The following RASA4 variants were observed in gnomAD, a reference collection of about 807,000 sequenced individuals.
RASA4 encodes the protein RAS p21 protein activator 4.
RASA4 carries 5 observed loss-of-function variants against 24.0 expected under a neutral mutation model. The ratio of observed to expected loss-of-function variants is 0.21; its 90% confidence interval spans 0.11 to 0.44. RASA4 has a LOEUF of 0.44. RASA4 is among the 20% of genes least tolerant of loss of function. The pLI is 0.99. For synonymous variants in RASA4, 9 were observed against 132.7 expected (o/e 0.07, Z 6.41); for missense variants, 38 against 293.0 (o/e 0.13, Z 6.35).
chr7:102,597,767 T>G (rs1790286890), intron 8 of RASA4, among the ~76,000 whole-genome samples: 1 of 128,302 alleles, frequency 7.8e-6, no homozygotes. Context: ...GAGGCTGGAG[T>G]GCAGTGGTGG....
chr7:102,594,446 C>T lies in RASA4; in HGVS notation c.1184+1G>A. 1 of 22,800 alleles carries T rather than the reference C, an allele frequency of 4.4e-5. No individual in the cohort carries two copies. The highest frequency in any genetic ancestry group is 4.7e-4 in the African/African-American group (1 of 2,122). 1.4% of individuals were successfully genotyped at this position (22,800 alleles called of 1,614,324 possible). ...ACCCCCGGAGTTACCCCCGGCCTCA[C>T]CCTACATCCTTAACTTCCACTTTGC... On this transcript the variant is annotated splice_donor_variant, in intron 12 of 20. Coordinates refer to ENST00000262940, the MANE Select transcript of RASA4 (RefSeq NM_006989.6). LOFTEE classifies it high-confidence loss of function.
rs982360136 is a variant in RASA4, at chr7:102,599,672, G to C, written c.737+188C>G. Among the ~76,000 whole-genome samples, 13 of 145,726 alleles carry C rather than the reference G, an allele frequency of 8.9e-5. No homozygotes were observed. The East Asian group carries it at 2.3e-3, about 26-fold the overall frequency. On this transcript the variant is annotated intron_variant, in intron 8 of 20. Coordinates refer to ENST00000262940, the MANE Select transcript of RASA4 (RefSeq NM_006989.6). ...ATAAATAAATAAATAATAAATAAAG[G>C]GGAGGTGGAGCCCAGCCAGGATGAG...
chr7:102,585,849 GTTTTTTTGT>G (rs1789755387), intron 18 of RASA4, among the ~76,000 whole-genome samples: 1 of 133,440 alleles, frequency 7.5e-6, no homozygotes, highest in Non-Finnish European at 1.7e-5. Context: ...TTTTTTTTTT[GTTTTTTTGT>G]TTTTTTTTTT....
rs1194397860 is a variant in RASA4 at position 102,595,347 on chromosome 7, C to T, written c.1029G>A (p.Arg343=). 2 of 1,457,700 alleles carry T rather than the reference C, an allele frequency of 1.4e-6. No individual in the cohort carries two copies. The highest frequency in any genetic ancestry group is 9.3e-7 in the Non-Finnish European group (1 of 1,074,278). The allele number at this position is 1,457,700 out of a possible 1,614,324, so 90.3% of individuals were successfully genotyped here. A position where few individuals can be genotyped will look rare whatever the true frequency, so the allele number is the denominator to read the frequency against. ...TGGACTTTGAGGCCAGAGAGTTGCT[C>T]CGGAACAGGGTGTTGGTCTCACCTA... ...SRTSETNTLF[R]SNSLASKSME... is the part of the protein sequence containing the mutation. Residue 343 remains arginine (R), a synonymous_variant, in exon 11 of 21, where the codon CGG becomes CGA. Transcript: ENST00000262940.
intron 11 of RASA4, among the ~76,000 whole-genome samples, chr7:102,594,890 G>GGGGT (rs1790121232): frequency 1.7e-5 from 1 of 57,322 alleles, no homozygotes; most frequent in African/African-American, 3.8e-5. Context: ...TTGGGGGGGG[G>GGGGT]GGGTGCGGGG....
chr7:102,604,628 G>C (rs1171335634), intron 5 of RASA4, among the ~76,000 whole-genome samples: 7 of 148,200 alleles, frequency 4.7e-5, no homozygotes, highest in East Asian at 2.1e-4. Context: ...GGTGGGGCGG[G>C]GGGGAATGAA....
chr7:102,612,167 C>CCAGCA (rs1554347707), intron 1 of RASA4: 1 of 156,502 alleles, frequency 6.4e-6, no homozygotes, highest in Admixed American at 6.6e-5. Flanking sequence ...CTCCCTCGCC[C>CCAGCA]CAGGACGGGA....
intron 5 of RASA4, among the ~76,000 whole-genome samples, chr7:102,602,935 C>T (rs1426675718): frequency 6.6e-6 from 1 of 150,378 alleles, no homozygotes; most frequent in South Asian, 2.1e-4. Context: ...GGTCTTTACA[C>T]AGCCCTAGTC....
At chr7:102,590,666 C>T (rs1346741285) in intron 16 of RASA4, among the ~76,000 whole-genome samples, 293 of 139,762 alleles carry the variant, frequency 2.1e-3, no homozygotes, top group East Asian at 6.9e-3. Flanking sequence ...CCTGACCGGG[C>T]GCAGTGGCTC....
In RASA4 at chr7:102,597,736, C is replaced by T. The variant is rs1333746348; in HGVS notation, c.738-1607G>A. Among the ~76,000 whole-genome samples the T allele has an allele frequency of 1.2e-4, 17 of 137,370 alleles. No individual in the cohort carries two copies. In the South Asian group the frequency reaches 3.1e-3, roughly 25 times the overall value. 90.1% of individuals were successfully genotyped at this position (137,370 alleles called of 152,430 possible). A position where few individuals can be genotyped will look rare whatever the true frequency, so the allele number is the denominator to read the frequency against. On this transcript the variant is annotated intron_variant, in intron 8 of 20. Transcript: ENST00000262940. ...ACCGCACCCGGCTGTTTTCTTGAGACGGAGTTTCGCTCTTGTCACCGAGGC... is the reference window on the plus strand; with the variant it reads ...ACCGCACCCGGCTGTTTTCTTGAGATGGAGTTTCGCTCTTGTCACCGAGGC...
chr7:102,600,037 C>G (rs1227369916), intron 7 of RASA4, 83 bp from the exon 8 acceptor site: 1 of 17,536 alleles, frequency 5.7e-5, no homozygotes, highest in African/African-American at 2.9e-4. Context: ...GGGGAGGGGC[C>G]CCTTCCAAGG....
chr7:102,591,013 A>G (rs1458690358), intron 16 of RASA4, among the ~76,000 whole-genome samples: 2 of 141,632 alleles, frequency 1.4e-5, no homozygotes, highest in African/African-American at 2.8e-5. Flanking sequence ...CTGGCAAGGA[A>G]GATGTATAAT....
intron 1 of RASA4, among the ~76,000 whole-genome samples, chr7:102,611,832 A>AG (rs1188769625): frequency 1.3e-4 from 2 of 15,094 alleles, no homozygotes; most frequent in Admixed American, 7.2e-4. Flanking sequence ...AGGGAGGGGG[A>AG]AACTGAGGGA....
chr7:102,602,824 G>A (rs1414576073), intron 5 of RASA4, among the ~76,000 whole-genome samples: 569 of 117,050 alleles, frequency 4.9e-3, no homozygotes, highest in Non-Finnish European at 7.3e-3. Context: ...GGTTTAGGGA[G>A]AGAGTGTGCT....
chr7:102,597,994 C>T (rs1251279681), intron 8 of RASA4, among the ~76,000 whole-genome samples: 14 of 91,904 alleles, frequency 1.5e-4, no homozygotes, highest in East Asian at 9.5e-4. Context: ...CCACGCCCAG[C>T]GGTTATTTTT....
chr7:102,606,415 A>AAT (rs1562801487), intron 4 of RASA4, among the ~76,000 whole-genome samples: 4 of 80,054 alleles, frequency 5.0e-5, no homozygotes, highest in East Asian at 7.2e-4. Flanking sequence ...AAAAAAAAAA[A>AAT]AAAAAAAAGA....
chr7:102,603,082 T>C (rs1267997054), intron 5 of RASA4, among the ~76,000 whole-genome samples: 80 of 134,120 alleles, frequency 6.0e-4, no homozygotes, highest in Non-Finnish European at 9.9e-4. Flanking sequence ...TGCCTCAGCC[T>C]CCTGAGTAGC....
chr7:102,610,552 G>C (rs143564804), intron 2 of RASA4, among the ~76,000 whole-genome samples: 23,020 of 134,216 alleles, frequency 0.17, 293 homozygotes, highest in East Asian at 0.33. Flanking sequence ...ATTACTATGG[G>C]ACTCTCAGGG....
In RASA4 at chr7:102,581,228, A is replaced by C. The variant is rs1372874052; in HGVS notation, c.*1543T>G. The C allele has an allele frequency of 6.7e-6, 1 of 150,300 alleles. No individual in the cohort carries two copies. Among genetic ancestry groups the C allele is most frequent in the Non-Finnish European group, 1.5e-5 (1 of 67,150 alleles). 9.3% of individuals were successfully genotyped at this position (150,300 alleles called of 1,614,324 possible). On this transcript the variant is annotated 3_prime_UTR_variant, in exon 21 of 21. Coordinates refer to ENST00000262940, the MANE Select transcript of RASA4 (RefSeq NM_006989.6). ...AGAGTGGGGGGCAACCGGGGGAGGA[A>C]GGAGGTTGGCTGAGCCAGGTCTGGG...
Sources: gnomAD v4.1 joint callset for allele counts (sites outside exome capture counted in the v4.1 genomes callset) on GRCh38, gnomAD v4.1.1 for gene constraint, MANE v1.5 for transcripts, NCBI Gene and HGNC (gene_info 2026-07-23, HGNC 2026-07-21) for gene names.